The following MGAT4A variants were observed in gnomAD, a reference collection of about 807,000 sequenced individuals.
The protein encoded by MGAT4A is N-acetylglucosaminyltransferase IVa.
A neutral mutation model predicts 74.1 loss-of-function variants in MGAT4A; 33 were observed. That is an observed-to-expected ratio of 0.45 (90% CI 0.34 to 0.60). The LOEUF (loss-of-function observed/expected upper bound fraction) is 0.60, where lower values mean the gene tolerates loss of function less well. Ranked by LOEUF, MGAT4A falls within the 20% of genes least tolerant of loss-of-function variation. The pLI is 0.02. For missense variants in MGAT4A, 479 were observed against 628.3 expected, an observed-to-expected ratio of 0.76 and a Z score of 2.54; for synonymous variants, 198 against 210.4, an observed-to-expected ratio of 0.94 and a Z score of 0.51.
intron 3 of MGAT4A, among the ~76,000 whole-genome samples, chr2:98,676,472 C>A (rs974406127): frequency 6.6e-6 from 1 of 152,082 alleles, no homozygotes; most frequent in African/African-American, 2.4e-5. Context: ...TTTATTCCAG[C>A]AAATGTATCA....
chr2:98,692,033 G>C (rs925980110), intron 2 of MGAT4A, among the ~76,000 whole-genome samples: 11 of 152,194 alleles, frequency 7.2e-5, no homozygotes, highest in African/African-American at 2.2e-4. Context: ...TTTAAACTTA[G>C]TGTTATTACA....
chr2:98,683,822 A>C (rs1181391535), intron 2 of MGAT4A, among the ~76,000 whole-genome samples: 4 of 152,196 alleles, frequency 2.6e-5, no homozygotes, highest in Non-Finnish European at 5.9e-5. Flanking sequence ...GCTTTTGGAA[A>C]GTTAGCTTAG....
At chr2:98,658,972 C>T (rs1701703235) in intron 5 of MGAT4A, among the ~76,000 whole-genome samples, 1 of 152,178 alleles carries the variant, frequency 6.6e-6, no homozygotes. Context: ...AATGCCTACT[C>T]TAGGCCAGGC....
At chr2:98,664,308 T>G (rs1701795034) in intron 4 of MGAT4A, among the ~76,000 whole-genome samples, 1 of 151,926 alleles carries the variant, frequency 6.6e-6, no homozygotes, top group Admixed American at 6.6e-5. Flanking sequence ...ATGCTTGTTT[T>G]CAATGCAAAT....
At chr2:98,715,150 A>C (rs1702574885) in intron 2 of MGAT4A, among the ~76,000 whole-genome samples, 1 of 151,940 alleles carries the variant, frequency 6.6e-6, no homozygotes, top group African/African-American at 2.4e-5. Flanking sequence ...ACCCATCTCT[A>C]CTAAAAATAC....
chr2:98,703,143 T>A (rs1283397313), intron 2 of MGAT4A, among the ~76,000 whole-genome samples: 1 of 152,124 alleles, frequency 6.6e-6, no homozygotes, highest in Non-Finnish European at 1.5e-5. Flanking sequence ...TGAAGCCAAG[T>A]TTAAAGAACT....
chr2:98,643,983 G>A lies in MGAT4A; in HGVS notation c.960C>T (p.Pro320=). The change falls in exon 10 of 16, where the codon CCC becomes CCT. Residue 320 remains proline, a synonymous_variant. Transcript: ENST00000393487. ...GAATATGGTCCAGGAGCCAATCAAT[G>A]GGTTTCTCCTTGTAAAACATGAATA... The part of the protein sequence containing the change: ...EFIFMFYKEK[P]IDWLLDHILW... 1 of 1,600,222 alleles carries A rather than the reference G, an allele frequency of 6.2e-7. No homozygotes were observed. Among genetic ancestry groups the A allele is most frequent in the Non-Finnish European group, 8.5e-7 (1 of 1,170,618 alleles).
chr2:98,718,027 T>C (rs1018408038), intron 2 of MGAT4A, among the ~76,000 whole-genome samples: 1 of 151,208 alleles, frequency 6.6e-6, no homozygotes, highest in African/African-American at 2.4e-5. Flanking sequence ...ATAAGAATCA[T>C]AGTTTCCAAT....
intron 2 of MGAT4A, among the ~76,000 whole-genome samples, chr2:98,693,926 T>TA (rs1268070591): frequency 2.0e-5 from 3 of 152,072 alleles, no homozygotes; most frequent in Non-Finnish European, 2.9e-5. Flanking sequence ...GAAAAAAAAT[T>TA]AAAACACTGA....
chr2:98,672,988 C>G (rs2104283888), intron 4 of MGAT4A, among the ~76,000 whole-genome samples: 1 of 152,142 alleles, frequency 6.6e-6, no homozygotes, highest in South Asian at 2.1e-4. Context: ...ACTAATTTTC[C>G]TAAATTATTC....
intron 8 of MGAT4A, among the ~76,000 whole-genome samples, chr2:98,647,271 C>A (rs1701501221): frequency 6.6e-6 from 1 of 152,096 alleles, no homozygotes; most frequent in Non-Finnish European, 1.5e-5. Context: ...TACTCTCAGC[C>A]TCGCTGGAGG....
intron 2 of MGAT4A, among the ~76,000 whole-genome samples, chr2:98,696,126 G>T (rs1702270610): frequency 6.6e-6 from 1 of 151,994 alleles, no homozygotes; most frequent in African/African-American, 2.4e-5. Context: ...CAGGTGATCT[G>T]CACAACTCAG....
At position 98,726,390 on chromosome 2, in the gene MGAT4A, T is replaced by C. The variant is rs1247915898; in HGVS notation, c.-58A>G. The C allele has an allele frequency of 1.4e-6, 2 of 1,464,104 alleles. No homozygotes were observed. Among genetic ancestry groups the C allele is most frequent in the Non-Finnish European group, 1.9e-6 (2 of 1,054,554 alleles). 90.7% of individuals were successfully genotyped at this position (1,464,104 alleles called of 1,614,324 possible). ...ATGATGACAACAACCAGGACTGTTT[T>C]CTTTTTACCCTGAAAGTCAACTGAA... On this transcript the variant is annotated 5_prime_UTR_variant, in exon 2 of 16. Transcript: ENST00000393487.
intron 2 of MGAT4A, among the ~76,000 whole-genome samples, chr2:98,683,911 T>G (rs1468374206): frequency 6.6e-6 from 1 of 152,238 alleles, no homozygotes; most frequent in Non-Finnish European, 1.5e-5. Flanking sequence ...ATTGCTGTTC[T>G]TAGTCCAAGA....
intron 1 of MGAT4A, among the ~76,000 whole-genome samples, chr2:98,730,825 C>G (rs1702843241): frequency 6.8e-6 from 1 of 146,362 alleles, no homozygotes; most frequent in South Asian, 2.1e-4. Flanking sequence ...GGCCCAGCCG[C>G]TCCCGGAGCC....
chr2:98,622,598 C>T lies in MGAT4A; in HGVS notation c.*2968G>A, dbSNP rs1701077612. ...ACACTGCTCTTAAGGGCGACCACTA[C>T]AATTTCCTGCTTGGGGAAAGGATGG... On this transcript the variant is annotated 3_prime_UTR_variant, in exon 16 of 16. Transcript: ENST00000393487. 2 of 985,474 alleles carry T rather than the reference C, an allele frequency of 2.0e-6. No homozygotes were observed. The highest frequency in any genetic ancestry group is 2.4e-6 in the Non-Finnish European group (2 of 829,994). 61.0% of individuals were successfully genotyped at this position (985,474 alleles called of 1,614,324 possible).
Position 98,655,488 on chromosome 2 carries a change from A to G in MGAT4A, c.731T>C (p.Phe244Ser). The G allele has an allele frequency of 1.2e-6, 2 of 1,611,854 alleles. No individual in the cohort carries two copies. The highest frequency in any genetic ancestry group is 1.7e-6 in the Non-Finnish European group (2 of 1,178,622). Residue 244 changes from phenylalanine to serine, a missense_variant, in exon 8 of 16, where the codon TTT (phenylalanine) becomes TCT (serine). Coordinates refer to ENST00000393487, the MANE Select transcript of MGAT4A (RefSeq NM_012214.3). ...CTTTTCTTGAGCATACATCATTAGA[A>G]AACAGTAATCTAGGTTTTGCTTTGT... ...WRTKQNLDYC[F>S]LMMYAQEKGI...
At chr2:98,723,258 C>T (rs921492820) in intron 2 of MGAT4A, among the ~76,000 whole-genome samples, 19 of 152,174 alleles carry the variant, frequency 1.2e-4, no homozygotes, top group Admixed American at 1.2e-3. Context: ...AATAACTCCT[C>T]CCTTCTCAGG....
intron 14 of MGAT4A, among the ~76,000 whole-genome samples, chr2:98,628,985 CA>C (rs369781428): frequency 6.6e-6 from 1 of 151,928 alleles, no homozygotes; most frequent in African/African-American, 2.4e-5. Context: ...GGCTGTCTTC[CA>C]AAAAAACTTT....
Sources: allele counts gnomAD v4.1 joint callset (sites outside exome capture counted in the v4.1 genomes callset), GRCh38; gene constraint gnomAD v4.1.1; transcripts MANE v1.5; gene names NCBI Gene and HGNC (gene_info 2026-07-23, HGNC 2026-07-21).